MS4A10: variants seen among roughly 807,000 people sequenced by gnomAD.
MS4A10 encodes membrane-spanning 4-domains subfamily A member 10.
MS4A10 carries 27 observed loss-of-function variants against 27.7 expected under a neutral mutation model. The observed-to-expected ratio is 0.98, with a 90% CI of 0.72 to 1.35. The LOEUF (loss-of-function observed/expected upper bound fraction) is 1.35. Ranked by LOEUF, MS4A10 falls within the 40% of genes most tolerant of loss-of-function variation. MS4A10 has a pLI of 0.00. For missense variants in MS4A10, 338 were observed against 324.7 expected, an observed-to-expected ratio of 1.04 and a Z score of -0.32; for synonymous variants, 139 against 131.2, an observed-to-expected ratio of 1.06 and a Z score of -0.41.
chr11:60,798,309 C>A, intron 6 of MS4A10, 87 bp from the exon 7 acceptor site: 1 of 1,038,680 alleles, frequency 9.6e-7, no homozygotes, highest in Non-Finnish European at 1.5e-6. Context: ...CTTGAGTCTT[C>A]AGAAGTGAAC....
Position 60,799,949 on chromosome 11 carries a change from T to C in MS4A10, c.*40T>C. ...ACAATGCCCAAACTTGGTTGGAGCA[T>C]AGCCCCTGCTCTCCCAAAGTTGCAC... On this transcript the variant is annotated 3_prime_UTR_variant, in exon 8 of 8. Transcript: ENST00000308287. 1 of 1,613,916 alleles carries C rather than the reference T, an allele frequency of 6.2e-7. No individual in the cohort carries two copies. The highest frequency in any genetic ancestry group is 2.2e-5 in the East Asian group (1 of 44,882).
At chr11:60,791,224 T>C in intron 3 of MS4A10, 131 bp downstream of exon 3, 1 of 1,169,848 alleles carries the variant, frequency 8.5e-7, no homozygotes, top group Non-Finnish European at 1.2e-6. Context: ...CGAGGCCCTT[T>C]CTCCAGTGTT....
chr11:60,798,461 G>C lies in MS4A10; in HGVS notation c.669G>C (p.Pro223=), dbSNP rs376689847. 10 of 1,613,872 alleles carry C rather than the reference G, an allele frequency of 6.2e-6. No homozygotes were observed. The highest frequency in any genetic ancestry group is 1.3e-5 in the African/African-American group (1 of 74,880). ...TCAAAGGCCTGCCGGTGGAGCCCCCGCCATCCTACCAGAGTGTGATTCAAG... is the reference window on the plus strand; with the variant it reads ...TCAAAGGCCTGCCGGTGGAGCCCCCCCCATCCTACCAGAGTGTGATTCAAG... ...LHLKGLPVEP[P]PSYQSVIQGD... The change falls in exon 7 of 8, where the codon CCG becomes CCC. Residue 223 remains proline, a synonymous_variant. Coordinates refer to ENST00000308287, the MANE Select transcript of MS4A10 (RefSeq NM_206893.4).
At chr11:60,787,257 A>C (rs1397387252) in intron 1 of MS4A10, among the ~76,000 whole-genome samples, 4 of 152,150 alleles carry the variant, frequency 2.6e-5, no homozygotes, top group Non-Finnish European at 4.4e-5. Context: ...TCCTTTATGC[A>C]CCAAACAGCC....
chr11:60,787,473 T>G (rs1854359213), intron 1 of MS4A10, among the ~76,000 whole-genome samples: 1 of 152,198 alleles, frequency 6.6e-6, no homozygotes, highest in African/African-American at 2.4e-5. Flanking sequence ...CCTCTCCTGG[T>G]TGTATAAAAT....
chr11:60,790,932 G>T, intron 2 of MS4A10, 42 bp from the exon 3 acceptor site: 2 of 1,610,400 alleles, frequency 1.2e-6, no homozygotes, highest in South Asian at 2.2e-5. Context: ...TAGAGCCAGT[G>T]ACCGATGCCC....
At chr11:60,786,963 G>T (rs947727810) in intron 1 of MS4A10, among the ~76,000 whole-genome samples, 25 of 152,338 alleles carry the variant, frequency 1.6e-4, no homozygotes, top group Non-Finnish European at 2.2e-4. Flanking sequence ...TTTGCACGGA[G>T]CACCCATTCT....
rs1050064642 is a variant in MS4A10, at chr11:60,800,050, C to A, written c.*141C>A. On this transcript the variant is annotated 3_prime_UTR_variant, in exon 8 of 8. Coordinates refer to ENST00000308287, the MANE Select transcript of MS4A10 (RefSeq NM_206893.4). ...TATACAGCAAAGTCAGCCCTCACAGCTCCTGGGAACGCTGTCCTCTCAGAT... is the reference window on the plus strand; with the variant it reads ...TATACAGCAAAGTCAGCCCTCACAGATCCTGGGAACGCTGTCCTCTCAGAT... 8.0e-6 allele frequency: 10 copies of A among 1,246,016 alleles called. No homozygotes were observed. In the African/African-American group the frequency reaches 1.4e-4, roughly 17 times the overall value. The allele number at this position is 1,246,016 out of a possible 1,614,324, so 77.2% of individuals were successfully genotyped here.
Position 60,790,380 on chromosome 11 carries a change from G to C in MS4A10, c.45G>C (p.Gly15=), listed in dbSNP as rs1056179331. The C allele has an allele frequency of 2.5e-6, 4 of 1,614,134 alleles. No homozygotes were observed. The East Asian group carries it at 8.9e-5, about 36-fold the overall frequency. ...TTATTCCCAGCCGTTGTGCTAGGGG[G>C]CTCCCATCATGGCAAGTCCTCAGCC... ...ATVIPSRCAR[G]LPSWQVLSPV... The change falls in exon 2 of 8, where the codon GGG becomes GGC. Residue 15 remains glycine, a synonymous_variant. Transcript: ENST00000308287.
Position 60,790,900 on chromosome 11 carries a change from C to T in MS4A10, c.184-74C>T, listed in dbSNP as rs570672428. On this transcript the variant is annotated intron_variant, in intron 2 of 7. Transcript: ENST00000308287. ...AAGGGACTCACCACAGCCAGTAGGT[C>T]CAGGGCACTAGTGGCCTCAATTAGA... 6 of 1,587,556 alleles carry T rather than the reference C, an allele frequency of 3.8e-6. No homozygotes were observed. In the Admixed American group the frequency reaches 1.0e-4, roughly 27 times the overall value.
In MS4A10 at chr11:60,786,155, ACATG is replaced by A. The variant is rs527722117; in HGVS notation, c.-23+741_-23+744del. Among the ~76,000 whole-genome samples, 54 of 148,180 alleles carry A rather than the reference ACATG, an allele frequency of 3.6e-4. 1 individual carries two copies. The East Asian group carries it at 0.01, about 29-fold the overall frequency. On this transcript the variant is annotated intron_variant, in intron 1 of 7. Coordinates refer to ENST00000308287, the MANE Select transcript of MS4A10 (RefSeq NM_206893.4). ...GCCTTTCTGTCCTTGACATGCATGC[ACATG>A]CATGCACACACATGCACACACACAC...
At chr11:60,789,331 G>A (rs780354964) in intron 1 of MS4A10, among the ~76,000 whole-genome samples, 16 of 151,996 alleles carry the variant, frequency 1.1e-4, no homozygotes, top group South Asian at 4.1e-4. Flanking sequence ...TTTCTTCCCC[G>A]CCCAGCTGTC....
At position 60,799,937 on chromosome 11, in the gene MS4A10, T is replaced by C. The variant is rs1424724293; in HGVS notation, c.*28T>C. Reference sequence around the variant, plus strand: ...AGCCACTGCCTGACAATGCCCAAACTTGGTTGGAGCATAGCCCCTGCTCTC... The same window carrying C: ...AGCCACTGCCTGACAATGCCCAAACCTGGTTGGAGCATAGCCCCTGCTCTC... On this transcript the variant is annotated 3_prime_UTR_variant, in exon 8 of 8. Transcript: ENST00000308287. 6 of 1,614,028 alleles carry C rather than the reference T, an allele frequency of 3.7e-6. No individual in the cohort carries two copies. The highest frequency in any genetic ancestry group is 5.1e-6 in the Non-Finnish European group (6 of 1,180,006).
intron 4 of MS4A10, among the ~76,000 whole-genome samples, chr11:60,792,860 G>A (rs1854453980): frequency 6.6e-6 from 1 of 152,142 alleles, no homozygotes; most frequent in Admixed American, 6.5e-5. Flanking sequence ...TCCTCCCGGA[G>A]ATCTTCCCTG....
rs10792295 is a variant in MS4A10, at chr11:60,801,228, C to T, written c.*1319C>T. ...GGTTTGACTCAGTCCCTTCCCCTCA[C>T]TAGGTCCCAGTTTCTCCATTTGTAA... On this transcript the variant is annotated 3_prime_UTR_variant, in exon 8 of 8. Transcript: ENST00000308287. The T allele has an allele frequency of 0.45, 67,777 of 152,142 alleles. 16,110 individuals carry two copies. Among genetic ancestry groups the T allele is most frequent in the East Asian group, 0.88 (4,532 of 5,174 alleles). The allele number at this position is 152,142 out of a possible 1,614,324, so 9.4% of individuals were successfully genotyped here.
chr11:60,790,931 T>G (rs772830580), intron 2 of MS4A10, 43 bp from the exon 3 acceptor site: 2 of 1,610,112 alleles, frequency 1.2e-6, no homozygotes, highest in East Asian at 4.5e-5. Flanking sequence ...TTAGAGCCAG[T>G]GACCGATGCC....
intron 3 of MS4A10, 40 bp downstream of exon 3, chr11:60,791,133 G>T (rs199566620): frequency 6.2e-7 from 1 of 1,609,448 alleles, no homozygotes; most frequent in South Asian, 1.1e-5. Flanking sequence ...GTGGGAGTCT[G>T]CAAGGCAGGC....
At chr11:60,786,241 C>A (rs1308707819) in intron 1 of MS4A10, among the ~76,000 whole-genome samples, 1 of 151,904 alleles carries the variant, frequency 6.6e-6, no homozygotes, top group Non-Finnish European at 1.5e-5. Flanking sequence ...TCCTCTAGGG[C>A]TCCACTGCAC....
intron 3 of MS4A10, among the ~76,000 whole-genome samples, chr11:60,791,620 C>T (rs1000754265): frequency 3.3e-5 from 5 of 152,248 alleles, no homozygotes; most frequent in African/African-American, 1.2e-4. Context: ...TCCTGACTCC[C>T]AGGTGGAGTC....
Sources: gnomAD v4.1 joint callset for allele counts (sites outside exome capture counted in the v4.1 genomes callset) on GRCh38, gnomAD v4.1.1 for gene constraint, MANE v1.5 for transcripts, NCBI Gene and HGNC (gene_info 2026-07-23, HGNC 2026-07-21) for gene names.